The following NDST4 variants were observed in gnomAD, a reference collection of about 807,000 sequenced individuals.
The protein encoded by NDST4 is N-deacetylase and N-sulfotransferase 4.
A neutral mutation model predicts 100.8 loss-of-function variants in NDST4; 63 were observed. The ratio of observed to expected loss-of-function variants is 0.62; its 90% CI spans 0.51 to 0.77. NDST4 has a LOEUF of 0.77. NDST4 is among the 30% of genes least tolerant of loss of function. The pLI, the probability that NDST4 is intolerant of heterozygous loss-of-function variation, is 0.00. For missense variants in NDST4, 943 were observed against 1,018.4 expected (o/e 0.93, Z 1.01); for synonymous variants, 377 against 361.8 (o/e 1.04, Z -0.48).
At chr4:114,925,623 C>T (rs1226443218) in intron 6 of NDST4, among the ~76,000 whole-genome samples, 1 of 152,080 alleles carries the variant, frequency 6.6e-6, no homozygotes, top group East Asian at 1.9e-4. Flanking sequence ...CCATTATACT[C>T]TACTGTCAAT....
intron 10 of NDST4, among the ~76,000 whole-genome samples, chr4:114,845,499 G>A (rs1307667906): frequency 6.6e-6 from 1 of 152,128 alleles, no homozygotes; most frequent in Admixed American, 6.5e-5. Context: ...CATTCACCAT[G>A]TATTGTCACT....
At chr4:115,087,422 G>A (rs1269166008) in intron 1 of NDST4, among the ~76,000 whole-genome samples, 1 of 151,900 alleles carries the variant, frequency 6.6e-6, no homozygotes, top group Non-Finnish European at 1.5e-5. Flanking sequence ...CTTATTACCA[G>A]CAAAAACATC....
chr4:114,923,224 T>TA (rs1245893888), intron 6 of NDST4, among the ~76,000 whole-genome samples: 1 of 152,154 alleles, frequency 6.6e-6, no homozygotes, highest in Non-Finnish European at 1.5e-5. Flanking sequence ...TCCTCAAATA[T>TA]AAAAATAGGA....
intron 2 of NDST4, among the ~76,000 whole-genome samples, chr4:115,042,329 A>T (rs1461881810): frequency 1.5e-4 from 23 of 152,094 alleles, no homozygotes. Flanking sequence ...TGGCTCAATG[A>T]TCCAAGATCA....
In NDST4 at chr4:114,827,855, C is replaced by T. The variant is rs1388542552; in HGVS notation, c.2580G>A (p.Leu860=). 2 of 1,612,228 alleles carry T rather than the reference C, an allele frequency of 1.2e-6. No individual in the cohort carries two copies. Residue 860 remains leucine (L), a synonymous_variant, in exon 14 of 14, where the codon CTG becomes CTA. Coordinates refer to ENST00000264363, the MANE Select transcript of NDST4 (RefSeq NM_022569.3). ...GCAGTTCCTGTCTCAGCCACGATGG[C>T]AGAGGCTGTCCCAGTCTGTGTAGCA... The part of the protein sequence containing the change: ...SKLLHRLGQP[L]PSWLRQELQK...
intron 1 of NDST4, among the ~76,000 whole-genome samples, chr4:115,079,402 G>A (rs1025689024): frequency 5.3e-5 from 8 of 149,878 alleles, no homozygotes; most frequent in African/African-American, 1.5e-4. Flanking sequence ...GCTTCATCAC[G>A]AATGGACATA....
At chr4:114,950,605 A>G (rs1481475669) in intron 4 of NDST4, among the ~76,000 whole-genome samples, 1 of 152,062 alleles carries the variant, frequency 6.6e-6, no homozygotes, top group African/African-American at 2.4e-5. Context: ...TAAATCCCAC[A>G]GGCAGTACTT....
At chr4:114,865,254 G>C (rs1008058278) in intron 7 of NDST4, among the ~76,000 whole-genome samples, 6 of 151,660 alleles carry the variant, frequency 4.0e-5, no homozygotes, top group African/African-American at 1.5e-4. Flanking sequence ...TAGTAGAGAC[G>C]GGATTTCACC....
intron 2 of NDST4, 137 bp downstream of exon 2, chr4:115,075,921 AT>A: frequency 1.9e-6 from 2 of 1,038,978 alleles, no homozygotes; most frequent in Non-Finnish European, 1.4e-6. Context: ...TTGGTTCAAT[AT>A]TTTTCTAAAT....
intron 5 of NDST4, among the ~76,000 whole-genome samples, chr4:114,936,816 G>A (rs567193214): frequency 6.6e-6 from 1 of 152,282 alleles, no homozygotes; most frequent in East Asian, 1.9e-4. Flanking sequence ...AGAGAGAGCA[G>A]TATTCTTAGA....
At chr4:114,901,263 T>A (rs944346751) in intron 6 of NDST4, among the ~76,000 whole-genome samples, 11 of 152,110 alleles carry the variant, frequency 7.2e-5, no homozygotes, top group African/African-American at 2.4e-5. Context: ...TCAATTACAA[T>A]ACTGGATTAA....
intron 4 of NDST4, among the ~76,000 whole-genome samples, chr4:114,940,965 T>C (rs1194172467): frequency 1.3e-5 from 2 of 151,978 alleles, no homozygotes; most frequent in Non-Finnish European, 2.9e-5. Context: ...GGGTACAGGA[T>C]GGGGTGTGGG....
At chr4:114,834,184 T>G (rs1723261831) in intron 11 of NDST4, among the ~76,000 whole-genome samples, 1 of 152,132 alleles carries the variant, frequency 6.6e-6, no homozygotes, top group African/African-American at 2.4e-5. Context: ...TACTGATCAT[T>G]GGATCACTGC....
intron 6 of NDST4, among the ~76,000 whole-genome samples, chr4:114,874,784 G>T (rs146105130): frequency 6.5e-4 from 99 of 152,182 alleles, no homozygotes; most frequent in African/African-American, 2.2e-3. Flanking sequence ...AAGATATGTG[G>T]TATGAGATAG....
intron 2 of NDST4, among the ~76,000 whole-genome samples, chr4:115,057,758 A>G (rs968141186): frequency 1.3e-5 from 2 of 148,352 alleles, no homozygotes; most frequent in Non-Finnish European, 3.0e-5. Flanking sequence ...ACACACACAC[A>G]CCAAAAAGGG....
At chr4:114,866,423 G>A (rs905426571) in intron 7 of NDST4, among the ~76,000 whole-genome samples, 3 of 152,190 alleles carry the variant, frequency 2.0e-5, no homozygotes, top group Admixed American at 6.5e-5. Flanking sequence ...TCAAATTACA[G>A]TGGCAGCATT....
chr4:115,097,595 A>T (rs1729644649), intron 1 of NDST4, among the ~76,000 whole-genome samples: 1 of 152,098 alleles, frequency 6.6e-6, no homozygotes, highest in African/African-American at 2.4e-5. Flanking sequence ...TTATTTCTCC[A>T]CTGGACTATT....
chr4:114,898,498 C>T (rs1187905649), intron 6 of NDST4, among the ~76,000 whole-genome samples: 2 of 152,138 alleles, frequency 1.3e-5, no homozygotes, highest in Admixed American at 6.5e-5. Flanking sequence ...CGTGCTTCAA[C>T]TTATTCCTCC....
At chr4:114,906,298 T>C (rs961273812) in intron 6 of NDST4, among the ~76,000 whole-genome samples, 2 of 152,040 alleles carry the variant, frequency 1.3e-5, no homozygotes, top group Non-Finnish European at 2.9e-5. Context: ...ATCATATATC[T>C]GGAGTTGGAT....
Sources: gnomAD v4.1 joint callset for allele counts (sites outside exome capture counted in the v4.1 genomes callset) on GRCh38, gnomAD v4.1.1 for gene constraint, MANE v1.5 for transcripts, NCBI Gene and HGNC (gene_info 2026-07-23, HGNC 2026-07-21) for gene names.